The following GREB1L variants were observed in gnomAD, a reference collection of about 807,000 sequenced individuals.
GREB1L encodes GREB1 like retinoic acid receptor coactivator.
GREB1L carries 17 observed loss-of-function variants against 200.8 expected under a neutral mutation model. The observed-to-expected ratio is 0.08, with a 90% confidence interval of 0.06 to 0.13. GREB1L has a LOEUF of 0.13. Among genes scored for constraint, GREB1L ranks in the 10% least tolerant of loss-of-function variants. The pLI is 1.00. For missense variants in GREB1L, 1,657 were observed against 2,367.7 expected (o/e 0.70, Z 6.23); for synonymous variants, 789 against 893.0 (o/e 0.88, Z 2.08).
chr18:21,296,906 C>T (rs1376555163), intron 1 of GREB1L, among the ~76,000 whole-genome samples: 4 of 152,130 alleles, frequency 2.6e-5, no homozygotes, highest in African/African-American at 7.2e-5. Context: ...CCACCCTCCT[C>T]GGCCTCCCAG....
chr18:21,302,396 G>C (rs539005654), intron 1 of GREB1L, among the ~76,000 whole-genome samples: 1 of 152,250 alleles, frequency 6.6e-6, no homozygotes, highest in East Asian at 1.9e-4. Context: ...TCATGAAAGA[G>C]GACAGCCTCC....
rs1174272720 is a variant in GREB1L, at chr18:21,518,043, A to G, written c.5281A>G (p.Ser1761Gly). The change falls in exon 31 of 33, where the codon AGC becomes GGC. Residue 1761 changes from serine (S) to glycine (G), a missense_variant. Transcript: ENST00000424526. ...TCGCCTCTGATTTCAGGTGTCAGAGAGCTTAGCACCCATCTTGCCCCTTCA... is the reference window on the plus strand; with the variant it reads ...TCGCCTCTGATTTCAGGTGTCAGAGGGCTTAGCACCCATCTTGCCCCTTCA... ...IIKPKIMVSE[S>G]LAPILPLQYI... 1 of 1,551,130 alleles carries G rather than the reference A, an allele frequency of 6.4e-7. No individual in the cohort carries two copies. Among genetic ancestry groups the G allele is most frequent in the Admixed American group, 2.0e-5 (1 of 50,956 alleles).
chr18:21,271,386 C>G (rs1391328917), intron 1 of GREB1L, among the ~76,000 whole-genome samples: 1 of 151,982 alleles, frequency 6.6e-6, no homozygotes, highest in African/African-American at 2.4e-5. Flanking sequence ...GTGGCTCTCA[C>G]CTGTAATCCC....
chr18:21,364,609 A>G (rs1249346249), intron 1 of GREB1L, among the ~76,000 whole-genome samples: 2 of 152,224 alleles, frequency 1.3e-5, no homozygotes, highest in African/African-American at 2.4e-5. Flanking sequence ...TTCCTTCTCT[A>G]TGGATGTAAA....
intron 1 of GREB1L, among the ~76,000 whole-genome samples, chr18:21,327,491 G>A (rs1224705747): frequency 6.6e-6 from 1 of 151,912 alleles, no homozygotes; most frequent in East Asian, 1.9e-4. Flanking sequence ...TCCCTACTGG[G>A]CTCCCTGCTT....
chr18:21,497,259 G>C (rs569593252), intron 21 of GREB1L, among the ~76,000 whole-genome samples: 1 of 152,220 alleles, frequency 6.6e-6, no homozygotes, highest in South Asian at 2.1e-4. Flanking sequence ...GCAGTGCCTG[G>C]CATGAATTTT....
In GREB1L at chr18:21,452,234, C is replaced by T; in HGVS notation, c.1984+17C>T. 6.5e-7 allele frequency: 1 copy of T among 1,549,856 alleles called. No individual in the cohort carries two copies. The highest frequency in any genetic ancestry group is 8.7e-7 in the Non-Finnish European group (1 of 1,146,248). ...AAAACCTGGGTAATGTCATCTCAGA[C>T]CAAGAGGAGGAAGTCAGTCCTTGGG... On this transcript the variant is annotated intron_variant, in intron 14 of 32. Coordinates refer to ENST00000424526, the MANE Select transcript of GREB1L (RefSeq NM_001142966.3).
In GREB1L at chr18:21,518,612, G is replaced by C. The variant is rs542958459; in HGVS notation, c.5472+378G>C. Among the ~76,000 whole-genome samples, 3 of 152,208 alleles carry C rather than the reference G, an allele frequency of 2.0e-5. No individual in the cohort carries two copies. In the South Asian group the frequency reaches 6.2e-4, roughly 32 times the overall value. Reference sequence around the variant, plus strand: ...TCATCAGATTATACTGTAATTATGTGGGTTTTTCTTCATAAAAGTGTGAGT... The same window carrying C: ...TCATCAGATTATACTGTAATTATGTCGGTTTTTCTTCATAAAAGTGTGAGT... On this transcript the variant is annotated intron_variant, in intron 31 of 32. Coordinates refer to ENST00000424526, the MANE Select transcript of GREB1L (RefSeq NM_001142966.3).
chr18:21,474,697 A>T (rs1033401398), intron 16 of GREB1L, among the ~76,000 whole-genome samples: 4 of 152,046 alleles, frequency 2.6e-5, no homozygotes, highest in Non-Finnish European at 4.4e-5. Flanking sequence ...CACCCCAAAA[A>T]GCCACTTTTC....
chr18:21,308,129 C>G (rs564381580), intron 1 of GREB1L, among the ~76,000 whole-genome samples: 1 of 152,314 alleles, frequency 6.6e-6, no homozygotes, highest in African/African-American at 2.4e-5. Flanking sequence ...CTATTTTTGA[C>G]TAAGTACCTA....
At position 21,373,260 on chromosome 18, in the gene GREB1L, C is replaced by T. The variant is rs568080047; in HGVS notation, c.-10+7124C>T. 3.9e-5 allele frequency among the ~76,000 whole-genome samples: 6 copies of T among 152,260 alleles called. No homozygotes were observed. The East Asian group carries it at 1.2e-3, about 29-fold the overall frequency. On this transcript the variant is annotated intron_variant, in intron 2 of 32. Transcript: ENST00000424526. ...ATCAACCTTCTGTCTCATGGTTTCA[C>T]TTATTACCATTGCCTGCATGAATTT...
intron 23 of GREB1L, 34 bp from the exon 24 acceptor site, chr18:21,505,378 G>C (rs777659511): frequency 1.3e-6 from 2 of 1,537,538 alleles, no homozygotes; most frequent in African/African-American, 2.7e-5. Context: ...AGGGAGGCCA[G>C]TCACCTGCTC....
intron 9 of GREB1L, among the ~76,000 whole-genome samples, chr18:21,440,995 A>G (rs1275937241): frequency 6.6e-6 from 1 of 152,224 alleles, no homozygotes. Flanking sequence ...GTCTGTCACT[A>G]TGGTTGCTTG....
At chr18:21,517,919 C>G in intron 30 of GREB1L, 115 bp from the exon 31 acceptor site, 1 of 750,256 alleles carries the variant, frequency 1.3e-6, no homozygotes, top group Non-Finnish European at 2.2e-6. Flanking sequence ...ACCTAGCACC[C>G]CTCACTGTGC....
intron 19 of GREB1L, among the ~76,000 whole-genome samples, chr18:21,492,325 G>A (rs983993047): frequency 2.2e-4 from 34 of 151,568 alleles, no homozygotes; most frequent in African/African-American, 7.5e-4. Context: ...CAGCCTGGGC[G>A]ACAGAGCAAG....
rs1445481074 is a variant in GREB1L, at chr18:21,505,450, G to C, written c.4111G>C (p.Glu1371Gln). 1 of 1,551,636 alleles carries C rather than the reference G, an allele frequency of 6.4e-7. No individual in the cohort carries two copies. Among genetic ancestry groups the C allele is most frequent in the Non-Finnish European group, 8.7e-7 (1 of 1,146,992 alleles). The part of the protein sequence containing the change: ...ESSEVSQSEG[E>Q]PWPDIESFSK... ...CAGTGAAGTGAGCCAGTCAGAGGGA[G>C]AGCCCTGGCCTGACATCGAGAGCTT... Residue 1371 changes from glutamate (E) to glutamine (Q), a missense_variant, in exon 24 of 33, where the codon GAG becomes CAG. This residue lies in a region of GREB1L where 512 missense variants were observed against 668.3 expected (regional missense o/e 0.77). Coordinates refer to ENST00000424526, the MANE Select transcript of GREB1L (RefSeq NM_001142966.3).
In GREB1L at chr18:21,518,254, T is replaced by C. The variant is rs369756655; in HGVS notation, c.5472+20T>C. On this transcript the variant is annotated intron_variant, in intron 31 of 32. Coordinates refer to ENST00000424526, the MANE Select transcript of GREB1L (RefSeq NM_001142966.3). ...CCAGAGGTAAAAAGGGTGTGGGGGA[T>C]ACTGTGCTTACCTACATCCATCCAT... is the stretch of plus-strand genomic sequence containing the variant. 3.6e-5 allele frequency: 55 copies of C among 1,546,864 alleles called. No homozygotes were observed. The South Asian group carries it at 5.8e-4, about 16-fold the overall frequency.
chr18:21,445,734 G>A (rs1325803569), intron 11 of GREB1L, among the ~76,000 whole-genome samples: 1 of 152,120 alleles, frequency 6.6e-6, no homozygotes, highest in Non-Finnish European at 1.5e-5. Context: ...CCTCTGCTTC[G>A]ACATGGCCTT....
chr18:21,382,990 C>T (rs1375667644), intron 2 of GREB1L, among the ~76,000 whole-genome samples: 9 of 152,080 alleles, frequency 5.9e-5, no homozygotes, highest in Admixed American at 3.3e-4. Flanking sequence ...AAGTTGAAAA[C>T]GCTCGTCTTG....
Sources: allele counts gnomAD v4.1 joint callset (sites outside exome capture counted in the v4.1 genomes callset), GRCh38; gene constraint gnomAD v4.1.1; regional missense constraint gnomAD v4.1.1; transcripts MANE v1.5; gene names NCBI Gene and HGNC (gene_info 2026-07-23, HGNC 2026-07-21).